The following DAW1 variants were observed in gnomAD, a reference collection of about 807,000 sequenced individuals.
DAW1 encodes the protein dynein assembly factor with WD repeats 1, also known as dynein assembly factor with WD repeat domains 1.
In DAW1, 47 loss-of-function variants were observed where a neutral mutation model predicts 56.5. That is an observed-to-expected ratio of 0.83 (90% CI 0.66 to 1.06). The LOEUF is 1.06. Ranked by LOEUF, DAW1 falls within the 50% of genes least tolerant of loss-of-function variation. The pLI is 0.00. For missense variants in DAW1, 505 were observed against 499.3 expected (o/e 1.01, Z -0.11); for synonymous variants, 190 against 179.0 (o/e 1.06, Z -0.49).
intron 10 of DAW1, among the ~76,000 whole-genome samples, chr2:227,911,260 G>GTATA (rs1419852303): frequency 4.7e-5 from 6 of 128,044 alleles, no homozygotes; most frequent in Non-Finnish European, 8.3e-5. Context: ...ATATACACGT[G>GTATA]TATATACACA....
rs1691225984 is a variant in DAW1, at chr2:227,890,034, T to G, written c.258+34T>G. 3 of 1,477,224 alleles carry G rather than the reference T, an allele frequency of 2.0e-6. No homozygotes were observed. In the East Asian group the frequency reaches 7.6e-5, roughly 38 times the overall value. The allele number at this position is 1,477,224 out of a possible 1,614,324, so 91.5% of individuals were successfully genotyped here. ...TTTAAAAACAATCAGATAGAAGAATTTCAGTGAAATGATTGATATTTTATT... is the reference window on the plus strand; with the variant it reads ...TTTAAAAACAATCAGATAGAAGAATGTCAGTGAAATGATTGATATTTTATT... On this transcript the variant is annotated intron_variant, in intron 3 of 12. Transcript: ENST00000309931.
chr2:227,907,099 T>C (rs755654756), intron 9 of DAW1, 39 bp from the exon 10 acceptor site: 13 of 1,464,380 alleles, frequency 8.9e-6, no homozygotes, highest in Non-Finnish European at 1.0e-5. Context: ...CAGAAAGTCA[T>C]AGTCTTTTTT....
chr2:227,920,612 T>C (rs1325147188), intron 11 of DAW1, among the ~76,000 whole-genome samples: 1 of 152,212 alleles, frequency 6.6e-6, no homozygotes, highest in African/African-American at 2.4e-5. Flanking sequence ...CATTCACTTA[T>C]TCTATGGCAC....
chr2:227,889,730 G>T, intron 2 of DAW1, 126 bp from the exon 3 acceptor site: 1 of 752,376 alleles, frequency 1.3e-6, no homozygotes, highest in Non-Finnish European at 2.0e-6. Context: ...TCTTGGGAAA[G>T]ATAATGGTGT....
rs1399038137 is a variant in DAW1 at position 227,918,853 on chromosome 2, A to G, written c.1047A>G (p.Ser349=). 10 of 1,614,074 alleles carry G rather than the reference A, an allele frequency of 6.2e-6. No individual in the cohort carries two copies. The East Asian group carries it at 2.0e-4, about 32-fold the overall frequency. Residue 349 remains serine (S), a synonymous_variant, in exon 11 of 13, where the codon TCA becomes TCG. Coordinates refer to ENST00000309931, the MANE Select transcript of DAW1 (RefSeq NM_178821.3). ...TGGAAGGTCATGAAGGTGAAATTTC[A>G]AAGGTGAGTCGCTTTCTCATTTGGA... ...AKLEGHEGEI[S]KISFNPQGNH...
intron 6 of DAW1, among the ~76,000 whole-genome samples, chr2:227,900,459 T>A (rs901877070): frequency 3.3e-5 from 5 of 152,230 alleles, no homozygotes; most frequent in African/African-American, 1.2e-4. Context: ...TACAATTCAA[T>A]AGAAGGAGTA....
At chr2:227,905,074 AG>A in intron 8 of DAW1, 39 bp downstream of exon 8, 1 of 1,558,984 alleles carries the variant, frequency 6.4e-7, no homozygotes, top group Non-Finnish European at 8.7e-7. Flanking sequence ...AACCTGGATC[AG>A]GGGGTTCAGA....
intron 10 of DAW1, among the ~76,000 whole-genome samples, chr2:227,917,416 G>A (rs1175514969): frequency 1.3e-5 from 2 of 151,722 alleles, no homozygotes; most frequent in African/African-American, 2.4e-5. Flanking sequence ...GCTCACCACC[G>A]CACCCGGCTA....
chr2:227,888,953 TA>T (rs1377275658), intron 2 of DAW1, among the ~76,000 whole-genome samples: 1 of 152,206 alleles, frequency 6.6e-6, no homozygotes, highest in Non-Finnish European at 1.5e-5. Flanking sequence ...TATGATGCTT[TA>T]AATTTATGGT....
chr2:227,906,369 A>T, intron 9 of DAW1, 31 bp downstream of exon 9: 1 of 1,510,614 alleles, frequency 6.6e-7, no homozygotes, highest in South Asian at 1.1e-5. Flanking sequence ...TCTTTGCTTT[A>T]TATTGTGTCT....
At chr2:227,897,336 G>T (rs1691433826) in intron 5 of DAW1, among the ~76,000 whole-genome samples, 1 of 152,072 alleles carries the variant, frequency 6.6e-6, no homozygotes, top group African/African-American at 2.4e-5. Flanking sequence ...AAATATGGGT[G>T]TCCTGGGACA....
At chr2:227,880,381 C>CT (rs34679935) in intron 1 of DAW1, among the ~76,000 whole-genome samples, 3,960 of 143,864 alleles carry the variant, frequency 0.028, 80 homozygotes, top group Middle Eastern at 0.099. Context: ...CACAAACAGT[C>CT]TTTTTTTTTT....
At chr2:227,892,124 T>C (rs1199604568) in intron 4 of DAW1, among the ~76,000 whole-genome samples, 1 of 150,902 alleles carries the variant, frequency 6.6e-6, no homozygotes. Flanking sequence ...CATGATCTCA[T>C]CCTAACTTAA....
At chr2:227,906,400 T>A in intron 9 of DAW1, 62 bp downstream of exon 9, 1 of 1,090,368 alleles carries the variant, frequency 9.2e-7, no homozygotes, top group Non-Finnish European at 1.3e-6. Context: ...CTGTGTCAGA[T>A]ATCCATTGTA....
intron 6 of DAW1, among the ~76,000 whole-genome samples, chr2:227,899,756 C>T (rs972689116): frequency 2.6e-5 from 4 of 152,138 alleles, no homozygotes; most frequent in Admixed American, 6.5e-5. Context: ...CGGTGACAGC[C>T]GATCTGCCAG....
intron 10 of DAW1, among the ~76,000 whole-genome samples, chr2:227,913,661 A>G (rs1227710050): frequency 6.6e-6 from 1 of 152,120 alleles, no homozygotes; most frequent in East Asian, 1.9e-4. Context: ...ACTGATAACC[A>G]TGTGATACTA....
At chr2:227,917,008 C>T (rs1691965784) in intron 10 of DAW1, among the ~76,000 whole-genome samples, 1 of 152,052 alleles carries the variant, frequency 6.6e-6, no homozygotes, top group African/African-American at 2.4e-5. Context: ...TGCATCATCT[C>T]CTTGATAACC....
chr2:227,903,089 G>C lies in DAW1; in HGVS notation c.628G>C (p.Glu210Gln). ...TAKLWDIQNGEEVYTLRGHSA... is the reference protein window; with the variant it reads ...TAKLWDIQNGQEVYTLRGHSA... Reference sequence around the variant, plus strand: ...CAAATTGTGGGACATTCAGAATGGCGAGGAAGTTTACACCTTAAGAGTATG... The same window carrying C: ...CAAATTGTGGGACATTCAGAATGGCCAGGAAGTTTACACCTTAAGAGTATG... Residue 210 changes from glutamate (E) to glutamine (Q), a missense_variant, in exon 7 of 13, where the codon GAG (glutamate) becomes CAG (glutamine). Glu to Gln is a conservative substitution (Grantham distance 29). Transcript: ENST00000309931. 1 of 1,614,132 alleles carries C rather than the reference G, an allele frequency of 6.2e-7. No individual in the cohort carries two copies. The highest frequency in any genetic ancestry group is 2.2e-5 in the East Asian group (1 of 44,890).
intron 1 of DAW1, among the ~76,000 whole-genome samples, chr2:227,877,871 G>A (rs1690916944): frequency 6.6e-6 from 1 of 152,250 alleles, no homozygotes; most frequent in Admixed American, 6.5e-5. Flanking sequence ...CTGGTCCAGG[G>A]CCCAGTGGGG....
Sources: gnomAD v4.1 joint callset for allele counts (sites outside exome capture counted in the v4.1 genomes callset) on GRCh38, gnomAD v4.1.1 for gene constraint, MANE v1.5 for transcripts, NCBI Gene and HGNC (gene_info 2026-07-23, HGNC 2026-07-21) for gene names.